Variants in RHAG observed in about 807,000 individuals in gnomAD.
RHAG encodes Rh associated glycoprotein, also known as ammonium transporter Rh type A.
In RHAG, 25 loss-of-function variants were observed where a neutral mutation model predicts 42.4. That is an observed-to-expected ratio of 0.59 (90% CI 0.43 to 0.82). The LOEUF is 0.82. Ranked by LOEUF, RHAG falls within the 40% of genes least tolerant of loss-of-function variation. The pLI is 0.00. For synonymous variants in RHAG, 182 were observed against 177.7 expected (o/e 1.02, Z -0.19); for missense variants, 483 against 504.6 (o/e 0.96, Z 0.41).
At chr6:49,633,649 C>T (rs1762965875) in intron 1 of RHAG, among the ~76,000 whole-genome samples, 1 of 152,118 alleles carries the variant, frequency 6.6e-6, no homozygotes, top group Non-Finnish European at 1.5e-5. Context: ...TGAATGATGG[C>T]TACCTTTCAT....
intron 1 of RHAG, among the ~76,000 whole-genome samples, chr6:49,626,196 T>C (rs1251926761): frequency 2.0e-5 from 3 of 152,162 alleles, no homozygotes; most frequent in African/African-American, 7.2e-5. Flanking sequence ...CATTACAGAA[T>C]TAACTCAAAA....
intron 1 of RHAG, among the ~76,000 whole-genome samples, chr6:49,627,910 T>G (rs896730583): frequency 1.3e-5 from 2 of 152,120 alleles, no homozygotes; most frequent in African/African-American, 4.8e-5. Context: ...TTATGGGAAC[T>G]ACAATTCAAG....
intron 7 of RHAG, among the ~76,000 whole-genome samples, chr6:49,607,681 T>C (rs2127349499): frequency 6.6e-6 from 1 of 152,332 alleles, no homozygotes; most frequent in African/African-American, 2.4e-5. Flanking sequence ...ATATGTCATC[T>C]TAGAAGTCAT....
At chr6:49,619,839 C>T (rs1157042065) in intron 1 of RHAG, among the ~76,000 whole-genome samples, 1 of 152,160 alleles carries the variant, frequency 6.6e-6, no homozygotes, top group Non-Finnish European at 1.5e-5. Context: ...AATAAGGTGT[C>T]CATCTCCTGC....
rs763263319 is a variant in RHAG at position 49,612,543 on chromosome 6, G to A, written c.808-9C>T. The A allele has an allele frequency of 2.5e-6, 4 of 1,614,004 alleles. No homozygotes were observed. Among genetic ancestry groups the A allele is most frequent in the East Asian group, 4.5e-5 (2 of 44,880 alleles). On this transcript the variant is annotated splice_polypyrimidine_tract_variant and intron_variant, in intron 5 of 9. Transcript: ENST00000371175. Reference sequence around the variant, plus strand: ...GCATTCTGAATGTGAACCTGTGTGAGCGGCAGAAACATAAATGAGGTGAGC... The same window carrying A: ...GCATTCTGAATGTGAACCTGTGTGAACGGCAGAAACATAAATGAGGTGAGC...
At chr6:49,611,322 G>A (rs1387064626) in intron 6 of RHAG, among the ~76,000 whole-genome samples, 177 bp from the exon 7 acceptor site, 2 of 152,008 alleles carry the variant, frequency 1.3e-5, no homozygotes, top group Non-Finnish European at 2.9e-5. Context: ...GAGAGAAAAA[G>A]GTCATATAGT....
rs1446598944 is a variant in RHAG at position 49,619,278 on chromosome 6, C to T, written c.242G>A (p.Gly81Asp). Residue 81 changes from glycine to aspartate, a missense_variant, in exon 2 of 10, where the codon GGT becomes GAT. Coordinates refer to ENST00000371175, the MANE Select transcript of RHAG (RefSeq NM_000324.3). Reference sequence around the variant, plus strand: ...CAAAGCAGCAACGAGTAGGTTGATACCCACACTGCTGAAGCCATATTTCTT... The same window carrying T: ...CAAAGCAGCAACGAGTAGGTTGATATCCACACTGCTGAAGCCATATTTCTT... ...FLKKYGFSSV[G>D]INLLVAALGL... The T allele has an allele frequency of 1.2e-6, 2 of 1,614,052 alleles. No homozygotes were observed. The highest frequency in any genetic ancestry group is 1.7e-6 in the Non-Finnish European group (2 of 1,179,980).
intron 1 of RHAG, among the ~76,000 whole-genome samples, chr6:49,626,694 A>T (rs1762850036): frequency 6.6e-6 from 1 of 152,160 alleles, no homozygotes; most frequent in South Asian, 2.1e-4. Flanking sequence ...CTTGCACCCC[A>T]CATTTCCCTT....
At chr6:49,606,955 G>A in intron 8 of RHAG, 34 bp from the exon 9 acceptor site, 1 of 1,496,310 alleles carries the variant, frequency 6.7e-7, no homozygotes. Context: ...GTCATGTTGT[G>A]ACGCTGAAGA....
intron 3 of RHAG, among the ~76,000 whole-genome samples, chr6:49,616,777 T>G (rs546364009): frequency 6.6e-6 from 1 of 152,332 alleles, no homozygotes; most frequent in South Asian, 2.1e-4. Flanking sequence ...CACACTTGGT[T>G]GTAATGAGTC....
intron 1 of RHAG, among the ~76,000 whole-genome samples, chr6:49,626,522 GC>G (rs1762847979): frequency 6.6e-6 from 1 of 152,186 alleles, no homozygotes. Context: ...TCAGGGTACA[GC>G]CCCCTTTCCA....
intron 5 of RHAG, among the ~76,000 whole-genome samples, chr6:49,613,589 C>T (rs962792437): frequency 5.3e-5 from 8 of 152,094 alleles, no homozygotes; most frequent in Admixed American, 2.6e-4. Context: ...CATTTTCCTC[C>T]CCACTCCACC....
In RHAG at chr6:49,628,802, A is replaced by T. The variant is rs1395239460; in HGVS notation, c.157+7854T>A. Among the ~76,000 whole-genome samples, 5 of 152,180 alleles carry T rather than the reference A, an allele frequency of 3.3e-5. No homozygotes were observed. The East Asian group carries it at 5.8e-4, about 18-fold the overall frequency. ...CGTGGTCTCGCTGGCTTCAGGAGTG[A>T]AGCTGCAGACCTTCACGGTGAGTAT... On this transcript the variant is annotated intron_variant, in intron 1 of 9. Transcript: ENST00000371175.
intron 1 of RHAG, among the ~76,000 whole-genome samples, chr6:49,635,282 T>C (rs3799677): frequency 0.23 from 34,212 of 151,884 alleles, 4,200 homozygotes; most frequent in African/African-American, 0.32. Context: ...TCTTAAAGTC[T>C]TAAGATAACT....
intron 1 of RHAG, among the ~76,000 whole-genome samples, chr6:49,631,200 T>G (rs1762929726): frequency 6.6e-6 from 1 of 152,226 alleles, no homozygotes; most frequent in Non-Finnish European, 1.5e-5. Context: ...CCACTATAAG[T>G]GTAACTTTGA....
chr6:49,614,647 T>C (rs768622245), intron 5 of RHAG, 40 bp downstream of exon 5: 2 of 1,601,378 alleles, frequency 1.2e-6, no homozygotes, highest in South Asian at 2.2e-5. Context: ...CTGTCAGTGT[T>C]GTGAAGCAAA....
intron 5 of RHAG, among the ~76,000 whole-genome samples, chr6:49,612,970 T>C (rs1581938985): frequency 6.6e-6 from 1 of 152,268 alleles, no homozygotes; most frequent in East Asian, 1.9e-4. Context: ...AAAGAGGAAA[T>C]GTAGAGACAT....
At chr6:49,617,962 A>T in intron 3 of RHAG, 106 bp downstream of exon 3, 1 of 957,994 alleles carries the variant, frequency 1.0e-6, no homozygotes, top group East Asian at 2.6e-5. Context: ...TTGCTACGGT[A>T]TCACTCTCAC....
chr6:49,621,967 A>G (rs1176550859), intron 1 of RHAG, among the ~76,000 whole-genome samples: 1 of 151,822 alleles, frequency 6.6e-6, no homozygotes, highest in Non-Finnish European at 1.5e-5. Flanking sequence ...TTAATTACAC[A>G]AAGTTTTTCC....
Sources: gnomAD v4.1 joint callset for allele counts (sites outside exome capture counted in the v4.1 genomes callset) on GRCh38, gnomAD v4.1.1 for gene constraint, MANE v1.5 for transcripts, NCBI Gene and HGNC (gene_info 2026-07-23, HGNC 2026-07-21) for gene names.